PPARGC1A: variants seen among roughly 807,000 people sequenced by gnomAD.
The protein encoded by PPARGC1A is PPARG coactivator 1 alpha.
A neutral mutation model predicts 88.7 loss-of-function variants in PPARGC1A; 25 were observed. The ratio of observed to expected loss-of-function variants is 0.28; its 90% CI spans 0.21 to 0.39. The LOEUF is 0.39. PPARGC1A is among the 10% of genes least tolerant of loss of function. The pLI is 1.00. For synonymous variants in PPARGC1A, 363 were observed against 355.6 expected (o/e 1.02, Z -0.24); for missense variants, 880 against 968.7 (o/e 0.91, Z 1.22).
At chr4:24,244,117 G>A in the PPARGC1A span, among the ~76,000 whole-genome samples, 3 of 151,966 alleles carry the variant, frequency 2.0e-5, no homozygotes, top group Non-Finnish European at 4.4e-5. Flanking sequence ...TCTCTTCCAG[G>A]CCCCTCACCA....
At chr4:23,818,667 C>G (rs1295140874) in intron 7 of PPARGC1A, among the ~76,000 whole-genome samples, 1 of 151,400 alleles carries the variant, frequency 6.6e-6, no homozygotes, top group Non-Finnish European at 1.5e-5. Context: ...TTAAACAGCC[C>G]TTTTATTTAA....
the PPARGC1A span, among the ~76,000 whole-genome samples, chr4:24,106,778 A>G: frequency 1.2e-4 from 18 of 152,334 alleles, no homozygotes; most frequent in African/African-American, 3.8e-4. Context: ...AAGCAAAGCC[A>G]AGGGCATCCT....
At chr4:24,205,049 T>C in the PPARGC1A span, among the ~76,000 whole-genome samples, 1 of 152,188 alleles carries the variant, frequency 6.6e-6, no homozygotes, top group Non-Finnish European at 1.5e-5. Context: ...GGTCTCCAAC[T>C]TCTGACCTCA....
intron 2 of PPARGC1A, among the ~76,000 whole-genome samples, chr4:23,839,471 C>G (rs1416592093): frequency 6.6e-6 from 1 of 152,064 alleles, no homozygotes; most frequent in African/African-American, 2.4e-5. Context: ...CAAGTTTAAA[C>G]TGAAAGAGAA....
At chr4:23,904,023 C>G, upstream of PPARGC1A, 1 of 979,712 alleles carries the variant, frequency 1.0e-6, no homozygotes, top group Non-Finnish European at 1.2e-6. Context: ...GATGATAACC[C>G]CAACATGTGT....
At chr4:24,009,832 G>A in the PPARGC1A span, among the ~76,000 whole-genome samples, 2 of 152,180 alleles carry the variant, frequency 1.3e-5, no homozygotes, top group African/African-American at 4.8e-5. Flanking sequence ...TAGCTGTGAA[G>A]TAAATTGGCT....
chr4:24,198,820 C>T, the PPARGC1A span, among the ~76,000 whole-genome samples: 4 of 152,164 alleles, frequency 2.6e-5, no homozygotes, highest in Non-Finnish European at 5.9e-5. Flanking sequence ...AGCCTGTCTG[C>T]GAGAAGGGCT....
chr4:23,981,846 G>A, the PPARGC1A span, among the ~76,000 whole-genome samples: 5 of 152,084 alleles, frequency 3.3e-5, no homozygotes, highest in Non-Finnish European at 7.4e-5. Flanking sequence ...AGGTCACAAG[G>A]AATAGGGAAG....
At position 23,792,276 on chromosome 4, in the gene PPARGC1A, G is replaced by A. The variant is rs960186265; in HGVS notation, c.*3546C>T. 1.3e-5 allele frequency: 2 copies of A among 152,536 alleles called. No homozygotes were observed. The highest frequency in any genetic ancestry group is 6.6e-5 in the Admixed American group (1 of 15,252). The allele number at this position is 152,536 out of a possible 1,614,324, so 9.4% of individuals were successfully genotyped here. On this transcript the variant is annotated 3_prime_UTR_variant, in exon 13 of 13. Coordinates refer to ENST00000264867, the MANE Select transcript of PPARGC1A (RefSeq NM_013261.5). ...CATCAAATCAGCAGTTCACATTATT[G>A]AAAATGTCTGTCACATAGGTACAAA... is the stretch of plus-strand genomic sequence containing the variant.
At chr4:23,804,735 T>C (rs1719457330) in intron 10 of PPARGC1A, among the ~76,000 whole-genome samples, 1 of 152,172 alleles carries the variant, frequency 6.6e-6, no homozygotes, top group African/African-American at 2.4e-5. Context: ...TAGTATATAC[T>C]GTGCACCTTC....
the PPARGC1A span, among the ~76,000 whole-genome samples, chr4:23,945,277 A>C: frequency 6.6e-6 from 1 of 152,266 alleles, no homozygotes; most frequent in East Asian, 1.9e-4. Context: ...CATACATTTT[A>C]GGTACCAAAA....
the PPARGC1A span, among the ~76,000 whole-genome samples, chr4:24,061,472 G>A: frequency 2.6e-5 from 4 of 152,186 alleles, no homozygotes; most frequent in African/African-American, 9.6e-5. Context: ...CCAACCACCA[G>A]AGGATGACGG....
At chr4:23,918,857 G>C in the PPARGC1A span, among the ~76,000 whole-genome samples, 1 of 152,112 alleles carries the variant, frequency 6.6e-6, no homozygotes, top group African/African-American at 2.4e-5. Flanking sequence ...AAAGATAGGA[G>C]CAAGCGGCCT....
the PPARGC1A span, among the ~76,000 whole-genome samples, chr4:24,049,310 A>G: frequency 0.024 from 1,658 of 69,696 alleles, 33 homozygotes; most frequent in African/African-American, 0.062. Context: ...ATATGTGTGT[A>G]TATATATATA....
At chr4:24,029,230 G>A in the PPARGC1A span, among the ~76,000 whole-genome samples, 2 of 152,206 alleles carry the variant, frequency 1.3e-5, no homozygotes, top group African/African-American at 2.4e-5. Flanking sequence ...TGGGAGAAAC[G>A]ACTAGGGAAT....
chr4:24,317,452 C>T, the PPARGC1A span, among the ~76,000 whole-genome samples: 2 of 150,660 alleles, frequency 1.3e-5, no homozygotes, highest in African/African-American at 4.9e-5. Flanking sequence ...CAAAGACATC[C>T]TCCTACTTGC....
the PPARGC1A span, among the ~76,000 whole-genome samples, chr4:24,326,911 C>T: frequency 6.6e-6 from 1 of 152,160 alleles, no homozygotes; most frequent in South Asian, 2.1e-4. Context: ...CTGAGAAGGC[C>T]ACCGCAGTCA....
the PPARGC1A span, among the ~76,000 whole-genome samples, chr4:24,228,998 G>T: frequency 4.6e-5 from 7 of 152,116 alleles, no homozygotes; most frequent in East Asian, 1.4e-3. Context: ...CCAAGTGACT[G>T]CCATGCTTTG....
chr4:24,354,553 A>G, the PPARGC1A span, among the ~76,000 whole-genome samples: 2 of 152,226 alleles, frequency 1.3e-5, no homozygotes, highest in Admixed American at 1.3e-4. Context: ...GTTTACCAAG[A>G]TAGTGTTAAG....
Sources: allele counts gnomAD v4.1 joint callset (sites outside exome capture counted in the v4.1 genomes callset), GRCh38; gene constraint gnomAD v4.1.1; transcripts MANE v1.5; gene names NCBI Gene and HGNC (gene_info 2026-07-23, HGNC 2026-07-21).